Variants in EGFL6 observed in about 807,000 individuals in gnomAD.
The protein encoded by EGFL6 is EGF like domain multiple 6.
In EGFL6, 42 loss-of-function variants were observed where a neutral mutation model predicts 43.1. The ratio of observed to expected loss-of-function variants is 0.98; its 90% confidence interval spans 0.76 to 1.26. The LOEUF (loss-of-function observed/expected upper bound fraction) is 1.26. Ranked by LOEUF, EGFL6 falls within the 50% of genes most tolerant of loss-of-function variation. EGFL6 has a pLI of 0.00. For synonymous variants in EGFL6, 164 were observed against 163.2 expected (o/e 1.01, Z -0.04); for missense variants, 429 against 427.8 (o/e 1.00, Z -0.02).
Position 13,633,018 on chromosome X carries a change from A to C in EGFL6, c.1585A>C (p.Thr529Pro). The change falls in exon 12 of 12, where the codon ACC becomes CCC. Residue 529 changes from threonine to proline, a missense_variant. By Grantham distance (38) the Thr-to-Pro change is conservative. Coordinates refer to ENST00000361306, the MANE Select transcript of EGFL6 (RefSeq NM_015507.4). ...IFEAERGKGKTGEIAVDGVLL... is the reference protein window; with the variant it reads ...IFEAERGKGKPGEIAVDGVLL... ...TGAAGCAGAACGTGGCAAGGGCAAA[A>C]CCGGCGAAATCGCAGTGGATGGCGT... is the stretch of plus-strand genomic sequence containing the variant. 1 of 1,207,954 alleles carries C rather than the reference A, an allele frequency of 8.3e-7. No homozygotes were observed. The highest frequency in any genetic ancestry group is 3.0e-5 in the East Asian group (1 of 33,567).
chrX:13,578,843 G>A (rs2045490228), intron 1 of EGFL6, among the ~76,000 whole-genome samples: 1 of 110,307 alleles, frequency 9.1e-6, no homozygotes, highest in South Asian at 3.9e-4. Flanking sequence ...ACGAGTTAAT[G>A]GGTGCAGCAC....
intron 3 of EGFL6, among the ~76,000 whole-genome samples, chrX:13,598,426 G>C (rs1021814990): frequency 6.3e-5 from 7 of 111,295 alleles, no homozygotes; most frequent in Non-Finnish European, 1.1e-4. Context: ...TATGTTCCCT[G>C]GTAGAGTTAA....
rs753182460 is a variant in EGFL6, at chrX:13,581,227, GACACATCA to G, written c.75-8323_75-8316del. On this transcript the variant is annotated intron_variant, in intron 1 of 11. Transcript: ENST00000361306. ...CCAGTCATGGCATTAGAAATTTGAGGACACATCAACACACACTAGTATAGGAGAGCTTT... is the reference window on the plus strand; with the variant it reads ...CCAGTCATGGCATTAGAAATTTGAGGACACACACTAGTATAGGAGAGCTTT... Among the ~76,000 whole-genome samples the G allele has an allele frequency of 3.7e-3, 419 of 112,052 alleles. 2 individuals carry two copies. The highest frequency in any genetic ancestry group is 0.024 in the Admixed American group (250 of 10,575).
intron 1 of EGFL6, among the ~76,000 whole-genome samples, chrX:13,580,166 C>T (rs1409426205): frequency 8.9e-6 from 1 of 111,823 alleles, no homozygotes; most frequent in Non-Finnish European, 1.9e-5. Context: ...TTCGCCCACA[C>T]TTGTTACTCT....
chrX:13,616,772 T>G (rs767481862), intron 7 of EGFL6, among the ~76,000 whole-genome samples: 1 of 112,582 alleles, frequency 8.9e-6, no homozygotes, highest in African/African-American at 3.2e-5. Context: ...TGAACTTTTT[T>G]GTACCTCTTG....
At chrX:13,618,479 A>T (rs1471941724) in intron 8 of EGFL6, among the ~76,000 whole-genome samples, 1 of 112,884 alleles carries the variant, frequency 8.9e-6, no homozygotes, top group East Asian at 2.8e-4. Flanking sequence ...GTCTATGAAA[A>T]TGGAACCTCA....
chrX:13,589,243 G>C, intron 1 of EGFL6, among the ~76,000 whole-genome samples: 1 of 112,330 alleles, frequency 8.9e-6, no homozygotes. Flanking sequence ...GAACTGGATA[G>C]TTGCTGTGCG....
At chrX:13,624,542 A>G (rs1214694225) in intron 10 of EGFL6, among the ~76,000 whole-genome samples, 2 of 111,161 alleles carry the variant, frequency 1.8e-5, no homozygotes, top group African/African-American at 3.3e-5. Context: ...CCCATTGCCT[A>G]CTTAAACACT....
Position 13,633,202 on chromosome X carries a change from G to A in EGFL6, c.*107G>A, listed in dbSNP as rs1459184003. 3.4e-6 allele frequency: 2 copies of A among 591,190 alleles called. No homozygotes were observed. Among genetic ancestry groups the A allele is most frequent in the Non-Finnish European group, 5.1e-6 (2 of 390,018 alleles). 48.7% of individuals were successfully genotyped at this position (591,190 alleles called of 1,213,427 possible). A position where few individuals can be genotyped will look rare whatever the true frequency, so the allele number is the denominator to read the frequency against. ...GAATTACTAGCTGAAAAATTGTAAT[G>A]TACCAACAGAAATATTATTGTAAGA... On this transcript the variant is annotated 3_prime_UTR_variant, in exon 12 of 12. Transcript: ENST00000361306.
At chrX:13,616,624 GAAAGA>G (rs1160250851) in intron 7 of EGFL6, among the ~76,000 whole-genome samples, 6 of 108,396 alleles carry the variant, frequency 5.5e-5, no homozygotes, top group Non-Finnish European at 9.6e-5. Flanking sequence ...AAAAAAAAAA[GAAAGA>G]AAAGAAAAGA....
At chrX:13,623,794 G>A (rs756869065) in intron 9 of EGFL6, 30 bp from the exon 10 acceptor site, 1 of 1,137,976 alleles carries the variant, frequency 8.8e-7, no homozygotes, top group South Asian at 1.8e-5. Context: ...GCTTTTAGGG[G>A]TTATGAAATA....
intron 2 of EGFL6, among the ~76,000 whole-genome samples, chrX:13,594,101 T>G (rs532346115): frequency 3.6e-5 from 4 of 111,419 alleles, no homozygotes; most frequent in African/African-American, 1.3e-4. Context: ...ATTTTCCTTT[T>G]TTCCTATCTA....
intron 2 of EGFL6, among the ~76,000 whole-genome samples, chrX:13,593,526 G>T (rs182196964): frequency 5.0e-4 from 56 of 111,645 alleles, no homozygotes; most frequent in African/African-American, 1.7e-3. Context: ...CCTCTAGGGG[G>T]TTAATTGCAC....
At chrX:13,603,847 C>T (rs1389840037) in intron 5 of EGFL6, among the ~76,000 whole-genome samples, 1 of 111,665 alleles carries the variant, frequency 9.0e-6, no homozygotes, top group Non-Finnish European at 1.9e-5. Flanking sequence ...TTAGATATAA[C>T]ATTATTGAAA....
chrX:13,575,720 A>G (rs1022178710), intron 1 of EGFL6, among the ~76,000 whole-genome samples: 1 of 112,733 alleles, frequency 8.9e-6, no homozygotes. Flanking sequence ...GTTGAATGCA[A>G]ATTGAAAACT....
intron 9 of EGFL6, among the ~76,000 whole-genome samples, chrX:13,623,368 T>G (rs1486083771): frequency 1.2e-5 from 1 of 86,414 alleles, no homozygotes; most frequent in Non-Finnish European, 2.2e-5. Context: ...GGTTTTTGTT[T>G]TATTTTGGGT....
Position 13,627,276 on chromosome X carries a change from C to T in EGFL6, c.1551C>T (p.Ser517=), listed in dbSNP as rs1321118677. ...ATCAAGGAACTGATGCTACCAAAAG[C>T]GTAAGTGGGAAAAAAATGATTAAAC... is the stretch of plus-strand genomic sequence containing the variant. ...QLYQGTDATK[S]IIFEAERGKG... is the part of the protein sequence containing the mutation. Residue 517 remains serine, a splice_region_variant and synonymous_variant, in exon 11 of 12, where the codon AGC becomes AGT. Transcript: ENST00000361306. 4.2e-6 allele frequency: 5 copies of T among 1,196,722 alleles called. No individual in the cohort carries two copies. The highest frequency in any genetic ancestry group is 2.3e-4 in the Middle Eastern group (1 of 4,294).
chrX:13,579,267 G>T (rs1054406922), intron 1 of EGFL6, among the ~76,000 whole-genome samples: 66 of 110,644 alleles, frequency 6.0e-4, no homozygotes, highest in African/African-American at 2.0e-3. Flanking sequence ...TCTCAAATAG[G>T]CCCTGGTGTG....
At chrX:13,604,581 G>A (rs1013840539) in intron 5 of EGFL6, among the ~76,000 whole-genome samples, 2 of 111,738 alleles carry the variant, frequency 1.8e-5, no homozygotes, top group Non-Finnish European at 3.8e-5. Flanking sequence ...GCACCCACAG[G>A]GCACCCTCAG....
Sources: allele counts gnomAD v4.1 joint callset (sites outside exome capture counted in the v4.1 genomes callset), GRCh38; gene constraint gnomAD v4.1.1; transcripts MANE v1.5; gene names NCBI Gene and HGNC (gene_info 2026-07-23, HGNC 2026-07-21).